CDYL2: variants seen among roughly 807,000 people sequenced by gnomAD.
CDYL2 encodes chromodomain Y like 2.
Under a neutral mutation model 49.4 loss-of-function variants are expected in CDYL2, and 23 were observed. The observed-to-expected ratio is 0.47, with a 90% CI of 0.34 to 0.66. The LOEUF (loss-of-function observed/expected upper bound fraction) is 0.66. CDYL2 is among the 30% of genes least tolerant of loss of function. The pLI is 0.01. For missense variants in CDYL2, 678 were observed against 656.4 expected, an observed-to-expected ratio of 1.03 and a Z score of -0.36; for synonymous variants, 360 against 268.8, an observed-to-expected ratio of 1.34 and a Z score of -3.32.
chr16:80,717,016 G>GGATA (rs1904829103), intron 1 of CDYL2, among the ~76,000 whole-genome samples: 1 of 151,192 alleles, frequency 6.6e-6, no homozygotes, highest in Admixed American at 6.6e-5. Flanking sequence ...ATGGATGGAT[G>GGATA]GATGGATGGA....
intron 2 of CDYL2, among the ~76,000 whole-genome samples, chr16:80,640,670 G>A (rs1454032169): frequency 6.6e-6 from 1 of 152,176 alleles, no homozygotes; most frequent in African/African-American, 2.4e-5. Context: ...CAAAGTAGCT[G>A]TTCTGAGGAA....
Position 80,602,293 on chromosome 16 carries a change from C to T in CDYL2, c.*2095G>A, listed in dbSNP as rs1906125704. ...GACAGGTCCGAAGTCCTTACAGGAT[C>T]CTACATGGACAAAGGGGAGGGTGCA... On this transcript the variant is annotated 3_prime_UTR_variant, in exon 7 of 7. Transcript: ENST00000570137. 1 of 152,204 alleles carries T rather than the reference C, an allele frequency of 6.6e-6. No homozygotes were observed. Among genetic ancestry groups the T allele is most frequent in the African/African-American group, 2.4e-5 (1 of 41,454 alleles). The allele number at this position is 152,204 out of a possible 1,614,324, so 9.4% of individuals were successfully genotyped here. A position where few individuals can be genotyped will look rare whatever the true frequency, so the allele number is the denominator to read the frequency against.
At chr16:80,673,378 A>G (rs183762275) in intron 2 of CDYL2, among the ~76,000 whole-genome samples, 1 of 152,186 alleles carries the variant, frequency 6.6e-6, no homozygotes, top group East Asian at 1.9e-4. Context: ...GTCAACTTCA[A>G]CACTTTCCAG....
chr16:80,793,809 T>C (rs1907682364), intron 1 of CDYL2, among the ~76,000 whole-genome samples: 2 of 152,214 alleles, frequency 1.3e-5, no homozygotes. Context: ...TACTTCCTTA[T>C]CACTACATTA....
chr16:80,732,363 C>T (rs1402329300), intron 1 of CDYL2, among the ~76,000 whole-genome samples: 1 of 152,134 alleles, frequency 6.6e-6, no homozygotes, highest in Non-Finnish European at 1.5e-5. Flanking sequence ...AAAAGTTACA[C>T]TCAAGTTTGG....
chr16:80,657,380 C>G (rs8061263), intron 2 of CDYL2, among the ~76,000 whole-genome samples: 3,355 of 152,186 alleles, frequency 0.022, 143 homozygotes, highest in African/African-American at 0.077. Context: ...TTGTGTATCA[C>G]AGATAAAAGG....
chr16:80,778,268 T>C (rs1907154958), intron 1 of CDYL2, among the ~76,000 whole-genome samples: 1 of 152,008 alleles, frequency 6.6e-6, no homozygotes, highest in Non-Finnish European at 1.5e-5. Flanking sequence ...TACTAGCTAT[T>C]ACACTATAAT....
chr16:80,659,092 GATGGATGGACAGACGGATGGATGGATGA>G lies in CDYL2; in HGVS notation c.616+25418_616+25445del, dbSNP rs1262287577. 4.8e-3 allele frequency among the ~76,000 whole-genome samples: 692 copies of G among 145,586 alleles called. 6 individuals carry two copies. The highest frequency in any genetic ancestry group is 0.018 in the African/African-American group (650 of 36,998). ...GGATGGATGGATGGATGGATGGATG[GATGGATGGACAGACGGATGGATGGATGA>G]ACAGACAGATGAGATGGATAAGAAG... On this transcript the variant is annotated intron_variant, in intron 2 of 6. Coordinates refer to ENST00000570137, the MANE Select transcript of CDYL2 (RefSeq NM_152342.4).
chr16:80,711,667 AAC>A (rs751970342), intron 1 of CDYL2, among the ~76,000 whole-genome samples: 1 of 152,180 alleles, frequency 6.6e-6, no homozygotes, highest in Non-Finnish European at 1.5e-5. Flanking sequence ...ATGTAGGGAT[AAC>A]AGTCTGTCTC....
chr16:80,689,363 G>A (rs989957222), intron 1 of CDYL2, among the ~76,000 whole-genome samples: 4 of 152,196 alleles, frequency 2.6e-5, no homozygotes, highest in Non-Finnish European at 4.4e-5. Flanking sequence ...TACATGCATA[G>A]TTCCAGGAAC....
chr16:80,734,252 C>A (rs1905433879), intron 1 of CDYL2, among the ~76,000 whole-genome samples: 1 of 152,064 alleles, frequency 6.6e-6, no homozygotes, highest in Admixed American at 6.6e-5. Context: ...TGGTTGGGGG[C>A]CGGGGAAAGG....
rs1043750791 is a variant in CDYL2 at position 80,601,802 on chromosome 16, C to T, written c.*2586G>A. The T allele has an allele frequency of 6.6e-6, 1 of 152,222 alleles. No homozygotes were observed. Among genetic ancestry groups the T allele is most frequent in the Non-Finnish European group, 1.5e-5 (1 of 68,044 alleles). The allele number at this position is 152,222 out of a possible 1,614,324, so 9.4% of individuals were successfully genotyped here. On this transcript the variant is annotated 3_prime_UTR_variant, in exon 7 of 7. Transcript: ENST00000570137. ...ATACAGACTTTCACCACCCCCGTTA[C>T]ACCCAGGACCTGTGACTTAACAGCA...
At chr16:80,773,613 T>C (rs1231768621) in intron 1 of CDYL2, among the ~76,000 whole-genome samples, 1 of 152,164 alleles carries the variant, frequency 6.6e-6, no homozygotes, top group Non-Finnish European at 1.5e-5. Context: ...AGTATGTTCT[T>C]TAATGATAAA....
At chr16:80,687,847 C>G (rs915220952) in intron 1 of CDYL2, among the ~76,000 whole-genome samples, 2 of 152,170 alleles carry the variant, frequency 1.3e-5, no homozygotes, top group South Asian at 4.1e-4. Flanking sequence ...GCGGAAAATA[C>G]ACAACTATGT....
At chr16:80,759,346 A>C (rs1467950791) in intron 1 of CDYL2, among the ~76,000 whole-genome samples, 1 of 151,876 alleles carries the variant, frequency 6.6e-6, no homozygotes, top group East Asian at 1.9e-4. Context: ...AAAAAAGGTT[A>C]ATGTTTTAAA....
At chr16:80,668,657 G>A (rs528023938) in intron 2 of CDYL2, among the ~76,000 whole-genome samples, 4 of 152,148 alleles carry the variant, frequency 2.6e-5, no homozygotes, top group Non-Finnish European at 2.9e-5. Context: ...CCAGCATTTC[G>A]GGAGGCCAAA....
intron 1 of CDYL2, among the ~76,000 whole-genome samples, chr16:80,692,969 G>C (rs960005731): frequency 6.6e-6 from 1 of 152,150 alleles, no homozygotes; most frequent in Non-Finnish European, 1.5e-5. Flanking sequence ...TATCTGTGCA[G>C]AGAAGTACCA....
At chr16:80,678,234 T>A (rs373366409) in intron 2 of CDYL2, among the ~76,000 whole-genome samples, 3 of 152,278 alleles carry the variant, frequency 2.0e-5, no homozygotes, top group Admixed American at 6.5e-5. Flanking sequence ...CCAAAAGCAA[T>A]GGCAACAAAA....
rs145331039 is a variant in CDYL2 at position 80,774,783 on chromosome 16, T to A, written c.24+29367A>T. ...AAGATGAAACACAGTATACTCAAGG[T>A]CAATAGGAAGGTCAGAATGAGCAAA... On this transcript the variant is annotated intron_variant, in intron 1 of 6. Transcript: ENST00000570137. Among the ~76,000 whole-genome samples, 871 of 151,612 alleles carry A rather than the reference T, an allele frequency of 5.7e-3. 12 individuals carry two copies. The highest frequency in any genetic ancestry group is 0.013 in the East Asian group (67 of 5,154).
Sources: gnomAD v4.1 joint callset for allele counts (sites outside exome capture counted in the v4.1 genomes callset) on GRCh38, gnomAD v4.1.1 for gene constraint, MANE v1.5 for transcripts, NCBI Gene and HGNC (gene_info 2026-07-23, HGNC 2026-07-21) for gene names.